The following CASZ1 variants were observed in gnomAD, a reference collection of about 807,000 sequenced individuals.
CASZ1 encodes castor zinc finger 1.
A neutral mutation model predicts 135.2 loss-of-function variants in CASZ1; 28 were observed. The observed-to-expected ratio is 0.21, with a 90% CI of 0.15 to 0.28. The LOEUF (loss-of-function observed/expected upper bound fraction) is 0.28, where lower values mean the gene tolerates loss of function less well. Among genes scored for constraint, CASZ1 ranks in the 10% least tolerant of loss-of-function variants. The pLI, the probability that CASZ1 is intolerant of heterozygous loss-of-function variation, is 1.00. For synonymous variants in CASZ1, 1,068 were observed against 1,073.4 expected (o/e 0.99, Z 0.10); for missense variants, 2,161 against 2,453.3 (o/e 0.88, Z 2.52).
intron 6 of CASZ1, among the ~76,000 whole-genome samples, 174 bp from the exon 7 acceptor site, chr1:10,658,750 TCAA>T (rs908615863): frequency 2.6e-5 from 4 of 152,202 alleles, no homozygotes; most frequent in African/African-American, 9.6e-5. Context: ...GGCCAGAGGT[TCAA>T]CGAGCCCAAC....
rs960631577 is a variant in CASZ1, at chr1:10,641,044, C to T, written c.4163-985G>A. Among the ~76,000 whole-genome samples the T allele has an allele frequency of 6.6e-5, 10 of 152,352 alleles. No individual in the cohort carries two copies. The East Asian group carries it at 1.4e-3, about 21-fold the overall frequency. On this transcript the variant is annotated intron_variant, in intron 20 of 20. Coordinates refer to ENST00000377022, the MANE Select transcript of CASZ1 (RefSeq NM_001079843.3). ...GGGTAGCCTCTGGGCTCCTCCCACA[C>T]GGCTGACCTGCCTGGCTCCCCCAGA...
At chr1:10,782,288 A>G (rs1167562556) in intron 1 of CASZ1, among the ~76,000 whole-genome samples, 1 of 152,220 alleles carries the variant, frequency 6.6e-6, no homozygotes, top group Non-Finnish European at 1.5e-5. Flanking sequence ...ACTAGTAAGT[A>G]TCTACTGACT....
chr1:10,642,216 G>A (rs1642225049), intron 20 of CASZ1: 1 of 152,706 alleles, frequency 6.5e-6, no homozygotes, highest in African/African-American at 2.4e-5. Context: ...GCCGGAGCGT[G>A]GCCGGCGAGA....
chr1:10,765,607 GC>G (rs1640460783), intron 1 of CASZ1, among the ~76,000 whole-genome samples: 1 of 152,156 alleles, frequency 6.6e-6, no homozygotes, highest in African/African-American at 2.4e-5. Flanking sequence ...ATCGGTCCAG[GC>G]TGGCATCTCA....
rs568819395 is a variant in CASZ1, at chr1:10,702,072, C to T, written c.-24+3420G>A. On this transcript the variant is annotated intron_variant, in intron 3 of 20. Coordinates refer to ENST00000377022, the MANE Select transcript of CASZ1 (RefSeq NM_001079843.3). ...TAGATGGGAAATAGAGACTCCGAGA[C>T]GTCCCCTACCAAGCACTCGAATCAC... 7.2e-5 allele frequency among the ~76,000 whole-genome samples: 11 copies of T among 152,336 alleles called. No individual in the cohort carries two copies. In the East Asian group the frequency reaches 1.7e-3, roughly 24 times the overall value.
intron 20 of CASZ1, chr1:10,642,206 G>A: frequency 6.8e-6 from 1 of 146,838 alleles, no homozygotes; most frequent in Non-Finnish European, 1.5e-5. Context: ...GGGAGGGGCG[G>A]CCGGAGCGTG....
rs753946815 is a variant in CASZ1, at chr1:10,654,624, G to C, written c.1666-33C>G. 5 of 1,601,958 alleles carry C rather than the reference G, an allele frequency of 3.1e-6. No homozygotes were observed. The South Asian group carries it at 5.5e-5, about 18-fold the overall frequency. ...GGACGGGATGGTGGTCAGGCGAACG[G>C]AGGCCAGGTGCTCCTGGGCCGAGGT... On this transcript the variant is annotated intron_variant, in intron 9 of 20. Transcript: ENST00000377022.
intron 20 of CASZ1, among the ~76,000 whole-genome samples, chr1:10,640,850 C>A (rs1222083566): frequency 6.6e-6 from 1 of 152,168 alleles, no homozygotes; most frequent in Admixed American, 6.5e-5. Context: ...TTTAGGATGC[C>A]CCCCTGCCAA....
intron 2 of CASZ1, among the ~76,000 whole-genome samples, chr1:10,723,447 A>G (rs1031742909): frequency 6.6e-6 from 1 of 152,178 alleles, no homozygotes; most frequent in Admixed American, 6.5e-5. Flanking sequence ...CATAAAACAG[A>G]GGAGCCACTG....
chr1:10,774,200 C>A lies in CASZ1; in HGVS notation c.-233-13343G>T, dbSNP rs1640622419. On this transcript the variant is annotated intron_variant, in intron 1 of 20. Coordinates refer to ENST00000377022, the MANE Select transcript of CASZ1 (RefSeq NM_001079843.3). The surrounding 1 kb of genome is among the most constrained non-coding windows in gnomAD (Gnocchi z 4.4). Reference sequence around the variant, plus strand: ...TTTGGGTGGAAATCCACCCGGAGTGCACCCTCCCACCTGACACCGTCGCTA... The same window carrying A: ...TTTGGGTGGAAATCCACCCGGAGTGAACCCTCCCACCTGACACCGTCGCTA... 2.0e-5 allele frequency among the ~76,000 whole-genome samples: 3 copies of A among 152,298 alleles called. No homozygotes were observed. The South Asian group carries it at 6.2e-4, about 32-fold the overall frequency.
chr1:10,684,791 G>T (rs922623645), intron 4 of CASZ1, among the ~76,000 whole-genome samples: 7 of 152,236 alleles, frequency 4.6e-5, no homozygotes, highest in African/African-American at 1.7e-4. Context: ...TCTCTTTCCT[G>T]GGTGAACTGA....
At chr1:10,732,807 C>T (rs1639726223) in intron 2 of CASZ1, among the ~76,000 whole-genome samples, 1 of 152,112 alleles carries the variant, frequency 6.6e-6, no homozygotes, top group Admixed American at 6.5e-5. Context: ...CCACACTTGC[C>T]CCATCAGGGC....
intron 1 of CASZ1, among the ~76,000 whole-genome samples, chr1:10,763,976 C>A (rs1478859868): frequency 6.6e-6 from 1 of 152,216 alleles, no homozygotes; most frequent in Non-Finnish European, 1.5e-5. Flanking sequence ...GATTCTCCTG[C>A]CTCAGCCTCC....
chr1:10,647,731 G>A lies in CASZ1; in HGVS notation c.3497+70C>T, dbSNP rs1642408191. The A allele has an allele frequency of 1.2e-6, 2 of 1,600,392 alleles. No homozygotes were observed. The highest frequency in any genetic ancestry group is 1.7e-6 in the Non-Finnish European group (2 of 1,178,314). On this transcript the variant is annotated intron_variant, in intron 16 of 20. Coordinates refer to ENST00000377022, the MANE Select transcript of CASZ1 (RefSeq NM_001079843.3). The surrounding 1 kb of genome is among the most constrained non-coding windows in gnomAD (Gnocchi z 4.9). ...CCGCAGTGAGGAACAGGGCCTCCTA[G>A]CGCCCTTGCTAGCACCTACTCCCGA...
At chr1:10,752,985 C>T (rs1402513550) in intron 2 of CASZ1, among the ~76,000 whole-genome samples, 3 of 152,054 alleles carry the variant, frequency 2.0e-5, no homozygotes, top group South Asian at 2.1e-4. Context: ...TGCAGCAAGC[C>T]GAGATTGTGC....
rs557582262 is a variant in CASZ1 at position 10,661,799 on chromosome 1, T to TCA, written c.506-1265_506-1264dup. ...GCATTCACAACACACACATCCATTC[T>TCA]CACACACACACCCACAGTCACATGT... is the stretch of plus-strand genomic sequence containing the variant. On this transcript the variant is annotated intron_variant, in intron 5 of 20. Transcript: ENST00000377022. Among the ~76,000 whole-genome samples, 629 of 148,542 alleles carry TCA rather than the reference T, an allele frequency of 4.2e-3. 4 individuals carry two copies. The highest frequency in any genetic ancestry group is 0.014 in the African/African-American group (575 of 39,930).
chr1:10,683,477 G>A (rs968375967), intron 4 of CASZ1, among the ~76,000 whole-genome samples: 4 of 152,116 alleles, frequency 2.6e-5, no homozygotes, highest in South Asian at 2.1e-4. Flanking sequence ...GACACCCACC[G>A]CAGAGCTGAA....
chr1:10,658,720 G>T, intron 6 of CASZ1, 144 bp from the exon 7 acceptor site: 1 of 692,528 alleles, frequency 1.4e-6, no homozygotes. Flanking sequence ...GTGGGACTGA[G>T]GACATCCCTG....
At chr1:10,746,949 G>A (rs1640055055) in intron 2 of CASZ1, among the ~76,000 whole-genome samples, 1 of 152,226 alleles carries the variant, frequency 6.6e-6, no homozygotes, top group African/African-American at 2.4e-5. Context: ...CCCTTCTCTA[G>A]GGCCCATGTG....
Sources: allele counts gnomAD v4.1 joint callset (sites outside exome capture counted in the v4.1 genomes callset), GRCh38; gene constraint gnomAD v4.1.1; non-coding constraint Gnocchi (gnomAD v3.1); transcripts MANE v1.5; gene names NCBI Gene and HGNC (gene_info 2026-07-23, HGNC 2026-07-21).